The following CDH13 variants were observed in gnomAD, a reference collection of about 807,000 sequenced individuals.
CDH13 encodes the protein cadherin 13, also known as cadherin-13.
CDH13 carries 24 observed loss-of-function variants against 63.8 expected under a neutral mutation model. That is an observed-to-expected ratio of 0.38 (90% confidence interval 0.27 to 0.53). The LOEUF is 0.53. Among genes scored for constraint, CDH13 ranks in the 20% least tolerant of loss-of-function variants. The pLI is 0.85. For missense variants in CDH13, 1,049 were observed against 903.1 expected, an observed-to-expected ratio of 1.16 and a Z score of -2.07; for synonymous variants, 503 against 355.3, an observed-to-expected ratio of 1.42 and a Z score of -4.67.
At chr16:83,468,243 C>T (rs187939808) in intron 6 of CDH13, among the ~76,000 whole-genome samples, 1 of 152,224 alleles carries the variant, frequency 6.6e-6, no homozygotes, top group East Asian at 1.9e-4. Flanking sequence ...AATGCCATCA[C>T]AGGTGTTCTT....
At chr16:83,304,692 A>AGAGTG (rs1363169480) in intron 5 of CDH13, among the ~76,000 whole-genome samples, 4 of 152,164 alleles carry the variant, frequency 2.6e-5, no homozygotes, top group Non-Finnish European at 5.9e-5. Flanking sequence ...GTTGTACGAG[A>AGAGTG]GAGTGTGGAT....
intron 7 of CDH13, among the ~76,000 whole-genome samples, chr16:83,568,245 ATGAAAAATGAAGCCACGAGT>A (rs1340248540): frequency 1.3e-4 from 20 of 152,338 alleles, no homozygotes; most frequent in African/African-American, 4.8e-4. Context: ...AGCTGTCGAG[ATGAAAAATGAAGCCACGAGT>A]TTGGCCTTTA....
At chr16:83,546,661 T>C (rs530386561) in intron 7 of CDH13, among the ~76,000 whole-genome samples, 15 of 152,282 alleles carry the variant, frequency 9.9e-5, no homozygotes, top group Non-Finnish European at 1.5e-4. Context: ...GTAGCGAAGT[T>C]TGGGGAGACC....
intron 2 of CDH13, chr16:82,954,277 G>A (rs956423917): frequency 1.3e-5 from 2 of 152,150 alleles, no homozygotes; most frequent in Non-Finnish European, 2.9e-5. Flanking sequence ...TGCTTTCAGG[G>A]AAGTCGACTT....
At chr16:82,830,505 T>C (rs771781249) in intron 1 of CDH13, among the ~76,000 whole-genome samples, 4 of 152,028 alleles carry the variant, frequency 2.6e-5, no homozygotes, top group Non-Finnish European at 5.9e-5. Context: ...ACAGTGAAAG[T>C]AAAAAGAGGA....
chr16:82,755,695 C>T (rs886364067), intron 1 of CDH13, among the ~76,000 whole-genome samples: 13 of 152,312 alleles, frequency 8.5e-5, no homozygotes, highest in Admixed American at 2.6e-4. Context: ...AAATCACTGA[C>T]GTCAAGGTCT....
intron 7 of CDH13, among the ~76,000 whole-genome samples, chr16:83,501,329 TA>T (rs1196949451): frequency 6.6e-6 from 1 of 152,226 alleles, no homozygotes; most frequent in Non-Finnish European, 1.5e-5. Flanking sequence ...TTCTTTTAGG[TA>T]TTTTCTCTCC....
chr16:83,713,871 A>T (rs751965788), intron 10 of CDH13, among the ~76,000 whole-genome samples: 3 of 152,138 alleles, frequency 2.0e-5, no homozygotes, highest in Non-Finnish European at 2.9e-5. Context: ...TGCCTTCCTC[A>T]TTGTCAACAT....
chr16:82,835,121 G>C (rs74029073), intron 1 of CDH13, among the ~76,000 whole-genome samples: 1,701 of 152,256 alleles, frequency 0.011, 32 homozygotes, highest in African/African-American at 0.039. Flanking sequence ...GCAACGTGTA[G>C]GTAATATAGA....
intron 5 of CDH13, among the ~76,000 whole-genome samples, chr16:83,317,184 G>C (rs886788433): frequency 1.3e-5 from 2 of 152,190 alleles, no homozygotes; most frequent in African/African-American, 4.8e-5. Context: ...GCAGTGCTAA[G>C]ACTGAGAAAC....
At chr16:83,237,087 C>T (rs1345037929) in intron 5 of CDH13, among the ~76,000 whole-genome samples, 1 of 152,106 alleles carries the variant, frequency 6.6e-6, no homozygotes, top group Non-Finnish European at 1.5e-5. Context: ...AGGGGATGTT[C>T]CGCCACATTC....
chr16:83,044,753 G>C (rs4528558), intron 3 of CDH13, among the ~76,000 whole-genome samples: 9 of 152,130 alleles, frequency 5.9e-5, no homozygotes, highest in Non-Finnish European at 1.3e-4. Flanking sequence ...GGTCGCGGTC[G>C]TGGAGTTGGT....
intron 1 of CDH13, among the ~76,000 whole-genome samples, chr16:82,648,767 G>GA (rs1462698411): frequency 6.6e-6 from 1 of 152,102 alleles, no homozygotes; most frequent in African/African-American, 2.4e-5. Context: ...AGTACAAGAA[G>GA]AAAAAACCTT....
At chr16:83,350,791 A>G (rs965802343) in intron 6 of CDH13, among the ~76,000 whole-genome samples, 2 of 152,232 alleles carry the variant, frequency 1.3e-5, no homozygotes, top group Non-Finnish European at 2.9e-5. Flanking sequence ...GTAGTGAGAT[A>G]GGAGGCCGCT....
At chr16:83,366,635 T>A (rs1352321122) in intron 6 of CDH13, among the ~76,000 whole-genome samples, 1 of 152,192 alleles carries the variant, frequency 6.6e-6, no homozygotes, top group African/African-American at 2.4e-5. Flanking sequence ...AGCTTTTCGA[T>A]ATTCTCCAGA....
At chr16:82,705,484 T>C (rs1376179122) in intron 1 of CDH13, among the ~76,000 whole-genome samples, 1 of 152,220 alleles carries the variant, frequency 6.6e-6, no homozygotes, top group Non-Finnish European at 1.5e-5. Flanking sequence ...CATCTGAATC[T>C]TTACTCAACT....
chr16:83,239,472 G>T (rs192732972), intron 5 of CDH13, among the ~76,000 whole-genome samples: 145 of 152,268 alleles, frequency 9.5e-4, no homozygotes, highest in South Asian at 6.6e-3. Context: ...CACCAGGAGG[G>T]TCTTACTTCG....
At chr16:83,545,662 C>G (rs2075374193) in intron 7 of CDH13, among the ~76,000 whole-genome samples, 1 of 152,148 alleles carries the variant, frequency 6.6e-6, no homozygotes, top group Non-Finnish European at 1.5e-5. Flanking sequence ...ACCAGACCTC[C>G]TCTGCCATCC....
Position 83,796,450 on chromosome 16 carries a change from T to TAGA in CDH13, c.*1423_*1425dup, listed in dbSNP as rs1363627398. 6.6e-6 allele frequency: 1 copy of TAGA among 152,262 alleles called. No individual in the cohort carries two copies. The highest frequency in any genetic ancestry group is 2.4e-5 in the African/African-American group (1 of 41,472). The allele number at this position is 152,262 out of a possible 1,614,324, so 9.4% of individuals were successfully genotyped here. On this transcript the variant is annotated 3_prime_UTR_variant, in exon 14 of 14. Coordinates refer to ENST00000567109, the MANE Select transcript of CDH13 (RefSeq NM_001257.5). ...CTTTCAGTTAGCCTTCTGTAGGAAG[T>TAGA]AGAAGTCATATGTTGTCTTTGTTGT...
Sources: gnomAD v4.1 joint callset for allele counts (sites outside exome capture counted in the v4.1 genomes callset) on GRCh38, gnomAD v4.1.1 for gene constraint, MANE v1.5 for transcripts, NCBI Gene and HGNC (gene_info 2026-07-23, HGNC 2026-07-21) for gene names.